NTM: variants seen among roughly 807,000 people sequenced by gnomAD.
NTM encodes the protein IgLON family member 2.
In NTM, 13 loss-of-function variants were observed where a neutral mutation model predicts 42.1. The ratio of observed to expected loss-of-function variants is 0.31; its 90% CI spans 0.20 to 0.49. The LOEUF is 0.49. Ranked by LOEUF, NTM falls within the 20% of genes least tolerant of loss-of-function variation. The pLI is 0.99. For missense variants in NTM, 373 were observed against 452.8 expected (o/e 0.82, Z 1.60); for synonymous variants, 187 against 179.2 (o/e 1.04, Z -0.35).
At chr11:131,875,198 T>A (rs2048359363) in intron 1 of NTM, among the ~76,000 whole-genome samples, 1 of 152,232 alleles carries the variant, frequency 6.6e-6, no homozygotes, top group African/African-American at 2.4e-5. Flanking sequence ...CTTCCTCACT[T>A]AATCAAAAAA....
chr11:131,941,122 A>G (rs1331807081), intron 2 of NTM, among the ~76,000 whole-genome samples: 1 of 152,182 alleles, frequency 6.6e-6, no homozygotes, highest in Non-Finnish European at 1.5e-5. Flanking sequence ...CACACATCTA[A>G]TTTATATCTA....
intron 1 of NTM, among the ~76,000 whole-genome samples, chr11:131,906,089 G>A (rs1378702096): frequency 1.3e-4 from 20 of 152,044 alleles, no homozygotes; most frequent in Admixed American, 1.1e-3. Context: ...CAAGGGCAGG[G>A]GCATGTCTTT....
chr11:131,667,164 T>G (rs780710109), intron 1 of NTM, among the ~76,000 whole-genome samples: 7 of 152,182 alleles, frequency 4.6e-5, no homozygotes, highest in Admixed American at 4.6e-4. Flanking sequence ...TTTAAAAGCT[T>G]CTTTTTCCCT....
chr11:131,886,911 T>C (rs913759030), intron 1 of NTM, among the ~76,000 whole-genome samples: 3 of 152,218 alleles, frequency 2.0e-5, no homozygotes, highest in African/African-American at 7.2e-5. Context: ...TTAGGCACTG[T>C]TCTGTGCATT....
chr11:131,507,496 C>T (rs571075641), intron 1 of NTM, among the ~76,000 whole-genome samples: 23 of 152,074 alleles, frequency 1.5e-4, no homozygotes, highest in Admixed American at 1.0e-3. Context: ...AGCGTGATGC[C>T]GCCAGCTTTG....
intron 1 of NTM, among the ~76,000 whole-genome samples, chr11:131,509,342 T>TCTG (rs2047944577): frequency 6.6e-6 from 1 of 152,228 alleles, no homozygotes; most frequent in African/African-American, 2.4e-5. Context: ...CTCCCTTTAC[T>TCTG]CTGTCGGTGT....
At chr11:132,154,073 A>G (rs1449085316) in intron 3 of NTM, among the ~76,000 whole-genome samples, 1 of 152,172 alleles carries the variant, frequency 6.6e-6, no homozygotes, top group Non-Finnish European at 1.5e-5. Flanking sequence ...TTGGACGAAG[A>G]GTGAGGACGC....
At chr11:131,421,740 C>T (rs1240818854) in intron 1 of NTM, among the ~76,000 whole-genome samples, 1 of 152,184 alleles carries the variant, frequency 6.6e-6, no homozygotes, top group Admixed American at 6.5e-5. Flanking sequence ...ACCTACATAT[C>T]TTTATTAAGA....
At chr11:132,143,626 A>G (rs1255134013) in intron 2 of NTM, among the ~76,000 whole-genome samples, 2 of 152,214 alleles carry the variant, frequency 1.3e-5, no homozygotes, top group Non-Finnish European at 2.9e-5. Flanking sequence ...CATGTAGTCA[A>G]TTAACATTGA....
chr11:131,866,012 C>CCA (rs148426420), intron 1 of NTM, among the ~76,000 whole-genome samples: 362 of 30,498 alleles, frequency 0.012, 50 homozygotes, highest in African/African-American at 0.038. Flanking sequence ...TACACACATG[C>CCA]CACACTCTCA....
chr11:131,860,340 C>G (rs1245501554), intron 1 of NTM, among the ~76,000 whole-genome samples: 1 of 152,186 alleles, frequency 6.6e-6, no homozygotes, highest in Non-Finnish European at 1.5e-5. Context: ...GGTCAAGGCA[C>G]AGGCAGAGTC....
At chr11:131,833,869 C>T (rs1408329079) in intron 1 of NTM, among the ~76,000 whole-genome samples, 3 of 152,162 alleles carry the variant, frequency 2.0e-5, no homozygotes, top group Non-Finnish European at 4.4e-5. Context: ...TGTTTCAAGA[C>T]TTTATTTTGC....
At chr11:131,433,693 T>A (rs1026652675) in intron 1 of NTM, among the ~76,000 whole-genome samples, 1 of 152,152 alleles carries the variant, frequency 6.6e-6, no homozygotes, top group Non-Finnish European at 1.5e-5. Context: ...GATTCCTACA[T>A]CTTTGTATGA....
chr11:131,389,024 A>AAAAAAAGAAAAGAAAAGAAAAG (rs774146196), intron 1 of NTM, among the ~76,000 whole-genome samples: 41 of 89,904 alleles, frequency 4.6e-4, no homozygotes, highest in African/African-American at 1.1e-3. Context: ...AAAAAAAAAA[A>AAAAAAAGAAAAGAAAAGAAAAG]AAAAGAAAAG....
intron 1 of NTM, among the ~76,000 whole-genome samples, chr11:131,412,181 G>A (rs1946493908): frequency 6.6e-6 from 1 of 152,170 alleles, no homozygotes. Flanking sequence ...TGCCAGAAGG[G>A]ATGTGAGAGC....
intron 1 of NTM, among the ~76,000 whole-genome samples, chr11:131,428,880 C>CAAAA (rs35312475): frequency 8.3e-5 from 7 of 84,008 alleles, no homozygotes; most frequent in African/African-American, 1.4e-4. Flanking sequence ...ACTAAAAATA[C>CAAAA]AAAAAAAAAA....
intron 3 of NTM, among the ~76,000 whole-genome samples, chr11:132,184,826 C>A (rs945534284): frequency 1.3e-5 from 2 of 152,200 alleles, no homozygotes; most frequent in Admixed American, 1.3e-4. Context: ...ATCCACACAG[C>A]GTCATGAACG....
chr11:132,013,100 A>C (rs2072595377), intron 2 of NTM, among the ~76,000 whole-genome samples: 1 of 151,618 alleles, frequency 6.6e-6, no homozygotes, highest in African/African-American at 2.4e-5. Flanking sequence ...CGAATCACTG[A>C]CATGTAGTAA....
At chr11:132,300,126 T>A (rs969907703) in intron 4 of NTM, among the ~76,000 whole-genome samples, 3 of 152,126 alleles carry the variant, frequency 2.0e-5, no homozygotes, top group Admixed American at 6.5e-5. Flanking sequence ...ATGTGGTGAA[T>A]CCTTTGTAAG....
Sources: gnomAD v4.1 joint callset for allele counts (sites outside exome capture counted in the v4.1 genomes callset) on GRCh38, gnomAD v4.1.1 for gene constraint, MANE v1.5 for transcripts, NCBI Gene and HGNC (gene_info 2026-07-23, HGNC 2026-07-21) for gene names.